The following CIMAP1C variants were observed in gnomAD, a reference collection of about 807,000 sequenced individuals.
CIMAP1C encodes ciliary microtubule associated protein 1C.
the CIMAP1C span, chr15:75,727,034 C>A: frequency 1.3e-6 from 2 of 1,599,058 alleles, no homozygotes; most frequent in South Asian, 1.1e-5. Flanking sequence ...TCTGAGAGCC[C>A]TCCCTTCCCG....
the CIMAP1C span, chr15:75,726,315 T>C: frequency 1.6e-6 from 1 of 618,170 alleles, no homozygotes; most frequent in South Asian, 1.9e-5. Flanking sequence ...ACACCGACAT[T>C]GCAATGCTGA....
At chr15:75,727,420 T>C in the CIMAP1C span, 2 of 1,614,042 alleles carry the variant, frequency 1.2e-6, no homozygotes, top group Admixed American at 3.3e-5. Flanking sequence ...CGCCACGGCC[T>C]GGCCCCGGCT....
chr15:75,726,030 C>T, the CIMAP1C span: 1 of 1,519,862 alleles, frequency 6.6e-7, no homozygotes. Context: ...TTGGGGCTGA[C>T]CAGGCCCTCT....
chr15:75,725,201 GC>G, the CIMAP1C span: 2 of 1,613,316 alleles, frequency 1.2e-6, no homozygotes, highest in African/African-American at 2.7e-5. Flanking sequence ...ACCCTGCATA[GC>G]CGGCACTCAG....
At chr15:75,727,127 G>A in the CIMAP1C span, 1 of 1,613,972 alleles carries the variant, frequency 6.2e-7, no homozygotes, top group Non-Finnish European at 8.5e-7. Context: ...GGAACGCAGG[G>A]CTCCCCAGTA....
the CIMAP1C span, chr15:75,726,058 G>A: frequency 1.2e-6 from 2 of 1,610,372 alleles, no homozygotes; most frequent in Non-Finnish European, 8.5e-7. Context: ...TGCCCTGCAG[G>A]GATGGTGTGC....
At chr15:75,724,895 C>A in the CIMAP1C span, among the ~76,000 whole-genome samples, 1 of 152,240 alleles carries the variant, frequency 6.6e-6, no homozygotes, top group Non-Finnish European at 1.5e-5. Flanking sequence ...CTATTAGCTT[C>A]TTATTATGCA....
At chr15:75,724,106 G>C in the CIMAP1C span, 1 of 779,240 alleles carries the variant, frequency 1.3e-6, no homozygotes, top group Non-Finnish European at 2.2e-6. Flanking sequence ...GTCTGGGGTG[G>C]GGGATGGGGG....
At chr15:75,726,027 T>TG in the CIMAP1C span, 1 of 1,501,622 alleles carries the variant, frequency 6.7e-7, no homozygotes, top group Non-Finnish European at 9.2e-7. Flanking sequence ...CCTTTGGGGC[T>TG]GACCAGGCCC....
the CIMAP1C span, among the ~76,000 whole-genome samples, chr15:75,725,492 C>G: frequency 6.6e-6 from 1 of 152,212 alleles, no homozygotes; most frequent in Non-Finnish European, 1.5e-5. Context: ...CCCTTCAGCT[C>G]CGGTCGCCAT....
At chr15:75,725,422 G>A in the CIMAP1C span, among the ~76,000 whole-genome samples, 1 of 152,226 alleles carries the variant, frequency 6.6e-6, no homozygotes, top group Non-Finnish European at 1.5e-5. Flanking sequence ...AGCCTATAGG[G>A]GATCCTGGCC....
chr15:75,724,782 A>G, the CIMAP1C span, among the ~76,000 whole-genome samples: 1 of 152,248 alleles, frequency 6.6e-6, no homozygotes, highest in African/African-American at 2.4e-5. Flanking sequence ...GGGAAAAACA[A>G]GAGCATTTAC....
chr15:75,724,657 A>C, the CIMAP1C span, among the ~76,000 whole-genome samples: 1 of 152,238 alleles, frequency 6.6e-6, no homozygotes, highest in Non-Finnish European at 1.5e-5. Context: ...AAGTGGGAGT[A>C]GTTTAGTGCA....
the CIMAP1C span, chr15:75,725,928 A>G: frequency 1.6e-5 from 10 of 622,344 alleles, no homozygotes; most frequent in Non-Finnish European, 1.7e-5. Context: ...AGATGAGGAA[A>G]TCAAGGGTCC....
the CIMAP1C span, chr15:75,724,102 G>A: frequency 1.3e-6 from 1 of 757,320 alleles, no homozygotes; most frequent in South Asian, 1.6e-5. Flanking sequence ...CCGTGTCTGG[G>A]GTGGGGGATG....
the CIMAP1C span, chr15:75,725,219 G>A: frequency 4.1e-5 from 65 of 1,601,864 alleles, no homozygotes; most frequent in East Asian, 4.2e-4. Flanking sequence ...TCAGAGAAGC[G>A]TGAGCGTTGC....
chr15:75,725,141 G>A, the CIMAP1C span: 1 of 1,614,030 alleles, frequency 6.2e-7, no homozygotes, highest in Non-Finnish European at 8.5e-7. Context: ...CGGCCATCCT[G>A]CACGGGCTAC....
the CIMAP1C span, among the ~76,000 whole-genome samples, chr15:75,725,655 T>C: frequency 6.6e-6 from 1 of 152,178 alleles, no homozygotes; most frequent in Non-Finnish European, 1.5e-5. Context: ...GGGCAGGGTG[T>C]GGTGGCGTGC....
chr15:75,727,332 G>A, the CIMAP1C span: 1,906 of 1,614,024 alleles, frequency 1.2e-3, 2 homozygotes, highest in Non-Finnish European at 1.5e-3. Context: ...ACGTACGCCC[G>A]ACCTGAGCCA....
Sources: allele counts gnomAD v4.1 joint callset (sites outside exome capture counted in the v4.1 genomes callset), GRCh38; gene constraint gnomAD v4.1.1; transcripts MANE v1.5; gene names NCBI Gene and HGNC (gene_info 2026-07-23, HGNC 2026-07-21).